The following ATP13A5 variants were observed in gnomAD, a reference collection of about 807,000 sequenced individuals.
The protein encoded by ATP13A5 is ATPase 13A5, also known as probable cation-transporting ATPase 13A5.
In ATP13A5, 149 loss-of-function variants were observed where a neutral mutation model predicts 150.2. The ratio of observed to expected loss-of-function variants is 0.99; its 90% CI spans 0.87 to 1.14. The LOEUF (loss-of-function observed/expected upper bound fraction) is 1.14. Among genes scored for constraint, ATP13A5 ranks in the 50% most tolerant of loss-of-function variants. The pLI, the probability that ATP13A5 is intolerant of heterozygous loss-of-function variation, is 0.00. For synonymous variants in ATP13A5, 497 were observed against 522.2 expected, an observed-to-expected ratio of 0.95 and a Z score of 0.66; for missense variants, 1,383 against 1,449.3, an observed-to-expected ratio of 0.95 and a Z score of 0.74.
intron 25 of ATP13A5, among the ~76,000 whole-genome samples, chr3:193,295,923 A>G (rs1041092964): frequency 6.6e-6 from 1 of 152,162 alleles, no homozygotes; most frequent in Non-Finnish European, 1.5e-5. Flanking sequence ...AGGGGAAGTC[A>G]TAAGAGCCAC....
intron 20 of ATP13A5, 77 bp from the exon 21 acceptor site, chr3:193,310,794 A>G (rs1718814982): frequency 9.1e-7 from 1 of 1,102,116 alleles, no homozygotes; most frequent in African/African-American, 1.6e-5. Context: ...GCCCTGAAAA[A>G]TCACTCCTGG....
At chr3:193,315,917 A>G (rs1362934319) in intron 17 of ATP13A5, among the ~76,000 whole-genome samples, 1 of 151,964 alleles carries the variant, frequency 6.6e-6, no homozygotes, top group African/African-American at 2.4e-5. Context: ...TTCATCTTGC[A>G]TAACTGAAAC....
intron 6 of ATP13A5, among the ~76,000 whole-genome samples, chr3:193,352,387 A>G (rs1712596715): frequency 6.6e-6 from 1 of 152,232 alleles, no homozygotes; most frequent in Non-Finnish European, 1.5e-5. Context: ...ATCCAGTAGA[A>G]TACTGGTTAA....
At chr3:193,365,794 G>A (rs1482902625) in intron 1 of ATP13A5, among the ~76,000 whole-genome samples, 1 of 151,884 alleles carries the variant, frequency 6.6e-6, no homozygotes, top group Non-Finnish European at 1.5e-5. Context: ...CATAATTCTG[G>A]TACCCCTTCA....
chr3:193,342,482 T>C lies in ATP13A5; in HGVS notation c.943+1445A>G, dbSNP rs540323431. Among the ~76,000 whole-genome samples the C allele has an allele frequency of 2.6e-5, 4 of 152,360 alleles. No individual in the cohort carries two copies. In the East Asian group the frequency reaches 5.8e-4, roughly 22 times the overall value. On this transcript the variant is annotated intron_variant, in intron 9 of 29. Transcript: ENST00000342358. The stretch of plus-strand genomic sequence containing the variant: ...AATGTATTTTTACTTCATGTGTCTG[T>C]CTCTGAAACTGGCCTCTATCGGTAC...
chr3:193,285,156 C>A (rs775279873), intron 26 of ATP13A5, 40 bp from the exon 27 acceptor site: 1 of 1,524,708 alleles, frequency 6.6e-7, no homozygotes, highest in East Asian at 2.3e-5. Context: ...CATTTGATTC[C>A]ATTTTTGTCC....
At chr3:193,371,854 C>T (rs1401579958) in intron 1 of ATP13A5, among the ~76,000 whole-genome samples, 1 of 152,204 alleles carries the variant, frequency 6.6e-6, no homozygotes, top group East Asian at 1.9e-4. Context: ...GTGGATTATA[C>T]CTGTAAAGTC....
rs115491873 is a variant in ATP13A5 at position 193,278,128 on chromosome 3, G to A, written c.3315+1238C>T. 5.7e-3 allele frequency among the ~76,000 whole-genome samples: 866 copies of A among 152,214 alleles called. 9 individuals are homozygous for A. Among genetic ancestry groups the A allele is most frequent in the African/African-American group, 0.02 (812 of 41,536 alleles). The stretch of plus-strand genomic sequence containing the variant: ...CCTGGAATTATTTATTTATGCAATG[G>A]TCTTCTCCCCTAGCTTCTAAACTAC... On this transcript the variant is annotated intron_variant, in intron 28 of 29. Coordinates refer to ENST00000342358, the MANE Select transcript of ATP13A5 (RefSeq NM_198505.4).
intron 5 of ATP13A5, among the ~76,000 whole-genome samples, chr3:193,361,936 C>T (rs1337437896): frequency 1.3e-5 from 2 of 152,148 alleles, no homozygotes; most frequent in South Asian, 4.1e-4. Context: ...AGGCACTGTT[C>T]TAGGTACTGC....
At position 193,363,245 on chromosome 3, in the gene ATP13A5, T is replaced by C. The variant is rs1480370139; in HGVS notation, c.375A>G (p.Pro125=). 6.2e-7 allele frequency: 1 copy of C among 1,612,954 alleles called. No individual in the cohort carries two copies. The highest frequency in any genetic ancestry group is 8.5e-7 in the Non-Finnish European group (1 of 1,179,482). The change falls in exon 3 of 30, where the codon CCA becomes CCG. Residue 125 remains proline, a synonymous_variant. Transcript: ENST00000342358. The part of the protein sequence containing the change: ...HSVINQALIK[P]ELKLRCMEVQ... Reference sequence around the variant, plus strand: ...CCTTCAAGTAACTTACTTTTAATTCTGGCTTTATTAAGGCTTGGTTTATGA... The same window carrying C: ...CCTTCAAGTAACTTACTTTTAATTCCGGCTTTATTAAGGCTTGGTTTATGA...
chr3:193,301,400 C>T, intron 23 of ATP13A5, 93 bp from the exon 24 acceptor site: 6 of 869,384 alleles, frequency 6.9e-6, no homozygotes, highest in Non-Finnish European at 9.2e-6. Flanking sequence ...TTTTTAGTAG[C>T]CTGTTGACAT....
chr3:193,359,763 G>A (rs1179844988), intron 5 of ATP13A5, among the ~76,000 whole-genome samples: 1 of 152,010 alleles, frequency 6.6e-6, no homozygotes, highest in Non-Finnish European at 1.5e-5. Flanking sequence ...TCACCAGCAA[G>A]GTGATTGGTC....
At chr3:193,335,247 TGG>T in intron 9 of ATP13A5, 148 bp from the exon 10 acceptor site, 5 of 672,730 alleles carry the variant, frequency 7.4e-6, no homozygotes, top group Non-Finnish European at 1.0e-5. Flanking sequence ...ATAGAGATGC[TGG>T]TGGTACAAGC....
At position 193,307,309 on chromosome 3, in the gene ATP13A5, A is replaced by T. The variant is rs1718653919; in HGVS notation, c.2568+18T>A. 1.2e-6 allele frequency: 2 copies of T among 1,613,636 alleles called. No individual in the cohort carries two copies. Among genetic ancestry groups the T allele is most frequent in the Non-Finnish European group, 1.7e-6 (2 of 1,179,832 alleles). ...TATTAGTGAGTGGCTTGTCTGAGCA[A>T]AAGCCATTTCTACTCACCCCACAGT... On this transcript the variant is annotated intron_variant, in intron 22 of 29. Coordinates refer to ENST00000342358, the MANE Select transcript of ATP13A5 (RefSeq NM_198505.4).
At chr3:193,359,592 T>G (rs1234290353) in intron 5 of ATP13A5, among the ~76,000 whole-genome samples, 4 of 152,212 alleles carry the variant, frequency 2.6e-5, no homozygotes, top group Admixed American at 1.3e-4. Flanking sequence ...AGAATTAAAT[T>G]TGGCCTTGCA....
At chr3:193,343,441 G>A (rs560774909) in intron 9 of ATP13A5, among the ~76,000 whole-genome samples, 8 of 152,228 alleles carry the variant, frequency 5.3e-5, no homozygotes, top group East Asian at 1.9e-4. Context: ...GTCTTTGCCC[G>A]GAGGTTCAAC....
chr3:193,348,154 GA>G (rs1235590027), intron 7 of ATP13A5, among the ~76,000 whole-genome samples: 1 of 152,160 alleles, frequency 6.6e-6, no homozygotes, highest in African/African-American at 2.4e-5. Flanking sequence ...AACTAGCTAG[GA>G]GAAGGCAAAC....
intron 7 of ATP13A5, among the ~76,000 whole-genome samples, chr3:193,346,583 A>T (rs6444708): frequency 0.5 from 75,605 of 151,966 alleles, 19,082 homozygotes; most frequent in East Asian, 0.75. Context: ...ACCTAATTCA[A>T]ATGTAAAACT....
intron 5 of ATP13A5, among the ~76,000 whole-genome samples, chr3:193,359,189 C>T (rs528330004): frequency 6.6e-6 from 1 of 152,254 alleles, no homozygotes; most frequent in South Asian, 2.1e-4. Flanking sequence ...AGCCCCTTTC[C>T]TCTCCTCCAA....
Sources: allele counts gnomAD v4.1 joint callset (sites outside exome capture counted in the v4.1 genomes callset), GRCh38; gene constraint gnomAD v4.1.1; transcripts MANE v1.5; gene names NCBI Gene and HGNC (gene_info 2026-07-23, HGNC 2026-07-21).